GPHN: variants seen among roughly 807,000 people sequenced by gnomAD.
GPHN encodes the protein gephyrin.
A neutral mutation model predicts 95.5 loss-of-function variants in GPHN; 17 were observed. The ratio of observed to expected loss-of-function variants is 0.18; its 90% confidence interval spans 0.12 to 0.27. The LOEUF (loss-of-function observed/expected upper bound fraction) is 0.27. Ranked by LOEUF, GPHN falls within the 10% of genes least tolerant of loss-of-function variation. The pLI, the probability that GPHN is intolerant of heterozygous loss-of-function variation, is 1.00. For synonymous variants in GPHN, 320 were observed against 322.5 expected, an observed-to-expected ratio of 0.99 and a Z score of 0.08; for missense variants, 660 against 978.1, an observed-to-expected ratio of 0.67 and a Z score of 4.34.
chr14:67,204,246 G>A, the GPHN span, among the ~76,000 whole-genome samples: 3 of 152,108 alleles, frequency 2.0e-5, no homozygotes, highest in African/African-American at 7.2e-5. Flanking sequence ...AGACCAGCCT[G>A]AGCAACATGG....
At chr14:67,284,429 T>TAAAAAAAAAAAAAAAAA in the GPHN span, among the ~76,000 whole-genome samples, 20 of 92,670 alleles carry the variant, frequency 2.2e-4, 1 homozygote, top group African/African-American at 1.3e-3. Context: ...CCCTATCTCT[T>TAAAAAAAAAAAAAAAAA]AAAAAAAAAA....
intron 1 of GPHN, among the ~76,000 whole-genome samples, chr14:66,593,022 A>G (rs181071457): frequency 3.0e-4 from 45 of 152,340 alleles, no homozygotes; most frequent in Non-Finnish European, 5.7e-4. Context: ...GCTGGAAACT[A>G]TCATTCTCAG....
At chr14:67,669,091 CT>C in the GPHN span, among the ~76,000 whole-genome samples, 46 of 152,196 alleles carry the variant, frequency 3.0e-4, 1 homozygote, top group African/African-American at 1.1e-3. Flanking sequence ...CACAAAAACC[CT>C]GTGAAGTAGA....
the GPHN span, chr14:67,323,613 CTAATAT>C: frequency 2.0e-5 from 5 of 253,118 alleles, no homozygotes; most frequent in East Asian, 9.3e-5. Context: ...GTCCCTTAAT[CTAATAT>C]ATATATATAT....
chr14:66,793,894 A>G (rs1443146064), intron 3 of GPHN, among the ~76,000 whole-genome samples: 2 of 152,162 alleles, frequency 1.3e-5, no homozygotes, highest in African/African-American at 2.4e-5. Context: ...CATATAGAAA[A>G]CATAGAGAAA....
chr14:66,592,181 A>T (rs940082195), intron 1 of GPHN, among the ~76,000 whole-genome samples: 88 of 152,212 alleles, frequency 5.8e-4, no homozygotes, highest in African/African-American at 2.1e-3. Context: ...TAAATGTAAG[A>T]CCTAAAACCA....
the GPHN span, among the ~76,000 whole-genome samples, chr14:67,394,635 T>A: frequency 6.6e-6 from 1 of 152,070 alleles, no homozygotes; most frequent in Non-Finnish European, 1.5e-5. Flanking sequence ...GATTCATACA[T>A]CTTTGATGGG....
At chr14:66,610,134 CTG>C (rs1232749137) in intron 1 of GPHN, among the ~76,000 whole-genome samples, 1 of 152,086 alleles carries the variant, frequency 6.6e-6, no homozygotes, top group Non-Finnish European at 1.5e-5. Flanking sequence ...GGCCAAGACT[CTG>C]TACAGGATTT....
At chr14:67,341,068 G>C in the GPHN span, among the ~76,000 whole-genome samples, 1 of 152,138 alleles carries the variant, frequency 6.6e-6, no homozygotes, top group Non-Finnish European at 1.5e-5. Context: ...CCAAAGTGCC[G>C]AGATTGCAGC....
rs543965451 is a variant in GPHN, at chr14:66,594,903, A to G, written c.65-86204A>G. 7.2e-5 allele frequency among the ~76,000 whole-genome samples: 11 copies of G among 152,326 alleles called. No homozygotes were observed. The East Asian group carries it at 1.5e-3, about 21-fold the overall frequency. On this transcript the variant is annotated intron_variant, in intron 1 of 22. Transcript: ENST00000478722. ...TGTGGAAAAGGAGAAAGTATGTGAG[A>G]CCATATGTCTGATAAGGAATTAATA...
the GPHN span, among the ~76,000 whole-genome samples, chr14:67,518,131 G>T: frequency 2.0e-5 from 3 of 152,192 alleles, no homozygotes; most frequent in African/African-American, 7.2e-5. Flanking sequence ...AGGTGAAGGG[G>T]CCTGGAACAA....
At chr14:67,340,155 T>C in the GPHN span, 1 of 299,956 alleles carries the variant, frequency 3.3e-6, no homozygotes, top group Non-Finnish European at 6.4e-6. Context: ...CACTTTTCAC[T>C]ACTGCATTTG....
At chr14:67,352,632 G>C in the GPHN span, 10 of 233,888 alleles carry the variant, frequency 4.3e-5, no homozygotes, top group African/African-American at 1.6e-4. Context: ...TTTCAGGCAG[G>C]AGAAAGAGCT....
At chr14:67,483,258 G>C in the GPHN span, among the ~76,000 whole-genome samples, 1 of 152,146 alleles carries the variant, frequency 6.6e-6, no homozygotes, top group Non-Finnish European at 1.5e-5. Flanking sequence ...TGATCTGCCT[G>C]CCTCGGCCTC....
At chr14:67,320,116 G>A in the GPHN span, 4 of 823,238 alleles carry the variant, frequency 4.9e-6, no homozygotes, top group African/African-American at 7.0e-5. Context: ...TAGCAAGGAT[G>A]TAATGACAAT....
chr14:67,224,065 T>TA, the GPHN span: 1 of 882,652 alleles, frequency 1.1e-6, no homozygotes, highest in African/African-American at 1.8e-5. Context: ...CAATGCTAGT[T>TA]AGGGACCATG....
intron 4 of GPHN, among the ~76,000 whole-genome samples, chr14:66,859,279 C>T: frequency 6.6e-6 from 1 of 152,304 alleles, no homozygotes; most frequent in African/African-American, 2.4e-5. Flanking sequence ...TTTGTATCAA[C>T]CCACCATCCC....
rs79173178 is a variant in GPHN at position 66,918,281 on chromosome 14, A to G, written c.456+2212A>G. Among the ~76,000 whole-genome samples the G allele has an allele frequency of 7.0e-3, 1,071 of 152,246 alleles. 5 individuals carry two copies. The highest frequency in any genetic ancestry group is 0.025 in the African/African-American group (1,023 of 41,562). On this transcript the variant is annotated intron_variant, in intron 6 of 22. Transcript: ENST00000478722. ...AATCTGTGATACCACACATGGAGTA[A>G]TGCCAGCTGGGGATGCTCACCTGAG...
At chr14:67,643,051 C>T in the GPHN span, among the ~76,000 whole-genome samples, 1 of 152,104 alleles carries the variant, frequency 6.6e-6, no homozygotes, top group Non-Finnish European at 1.5e-5. Flanking sequence ...GATCCTTCTG[C>T]CAAGGCCTCC....
Sources: gnomAD v4.1 joint callset for allele counts (sites outside exome capture counted in the v4.1 genomes callset) on GRCh38, gnomAD v4.1.1 for gene constraint, MANE v1.5 for transcripts, NCBI Gene and HGNC (gene_info 2026-07-23, HGNC 2026-07-21) for gene names.